The following SLC24A2 variants were observed in gnomAD, a reference collection of about 807,000 sequenced individuals.
SLC24A2 encodes the protein solute carrier family 24 member 2.
In SLC24A2, 36 loss-of-function variants were observed where a neutral mutation model predicts 62.0. That is an observed-to-expected ratio of 0.58 (90% CI 0.44 to 0.77). The LOEUF (loss-of-function observed/expected upper bound fraction) is 0.77, where lower values mean the gene tolerates loss of function less well. Ranked by LOEUF, SLC24A2 falls within the 30% of genes least tolerant of loss-of-function variation. SLC24A2 has a pLI of 0.00. For synonymous variants in SLC24A2, 358 were observed against 294.0 expected (o/e 1.22, Z -2.23); for missense variants, 846 against 817.9 (o/e 1.03, Z -0.42).
the SLC24A2 span, among the ~76,000 whole-genome samples, chr9:20,214,542 G>C: frequency 6.6e-6 from 1 of 151,974 alleles, no homozygotes; most frequent in African/African-American, 2.4e-5. Context: ...GTGGACCCAG[G>C]AGGCACAGCT....
At chr9:20,279,793 C>T in the SLC24A2 span, among the ~76,000 whole-genome samples, 3 of 152,162 alleles carry the variant, frequency 2.0e-5, no homozygotes, top group Non-Finnish European at 4.4e-5. Flanking sequence ...TTCACCTCCA[C>T]CATTAAAACA....
rs572541090 is a variant in SLC24A2 at position 19,507,921 on chromosome 9, A to G, written c.*8232T>C. The G allele has an allele frequency of 6.6e-6, 1 of 152,378 alleles. No homozygotes were observed. The highest frequency in any genetic ancestry group is 1.9e-4 in the East Asian group (1 of 5,188). 9.4% of individuals were successfully genotyped at this position (152,378 alleles called of 1,614,324 possible). ...AAAATGGCATTCTGATATTTTTAAC[A>G]TAACCTGTCTAAAAGACAGTTTATA... On this transcript the variant is annotated 3_prime_UTR_variant, in exon 11 of 11. Coordinates refer to ENST00000341998, the MANE Select transcript of SLC24A2 (RefSeq NM_020344.4).
chr9:19,943,009 G>A, the SLC24A2 span, among the ~76,000 whole-genome samples: 1 of 152,144 alleles, frequency 6.6e-6, no homozygotes, highest in African/African-American at 2.4e-5. Flanking sequence ...GATCCTTTCA[G>A]AAGCTGAAGA....
chr9:19,783,614 G>C (rs920314802), intron 2 of SLC24A2, among the ~76,000 whole-genome samples: 2 of 151,998 alleles, frequency 1.3e-5, no homozygotes, highest in African/African-American at 4.8e-5. Context: ...TTCAGTGCCT[G>C]GGGGGGAAAA....
the SLC24A2 span, among the ~76,000 whole-genome samples, chr9:19,806,420 G>C: frequency 1.3e-5 from 2 of 152,164 alleles, no homozygotes; most frequent in African/African-American, 4.8e-5. Flanking sequence ...AAATATAAAG[G>C]TTTGGGGTCA....
At chr9:19,960,226 A>C in the SLC24A2 span, among the ~76,000 whole-genome samples, 2 of 152,144 alleles carry the variant, frequency 1.3e-5, no homozygotes, top group Non-Finnish European at 2.9e-5. Context: ...ACGTATGTAC[A>C]TAACTGAAAT....
At chr9:19,773,784 G>A (rs1015698001) in intron 2 of SLC24A2, among the ~76,000 whole-genome samples, 1 of 152,204 alleles carries the variant, frequency 6.6e-6, no homozygotes, top group Non-Finnish European at 1.5e-5. Flanking sequence ...CTAGATAGGT[G>A]CATGAATAGC....
At chr9:19,907,907 G>A in the SLC24A2 span, among the ~76,000 whole-genome samples, 1 of 152,026 alleles carries the variant, frequency 6.6e-6, no homozygotes, top group Admixed American at 6.5e-5. Flanking sequence ...TGGCCATACT[G>A]CCCAAGGTAA....
chr9:19,843,352 A>C, the SLC24A2 span, among the ~76,000 whole-genome samples: 2 of 152,114 alleles, frequency 1.3e-5, no homozygotes, highest in East Asian at 3.8e-4. Flanking sequence ...AAATACATAC[A>C]CGCACACAAA....
the SLC24A2 span, among the ~76,000 whole-genome samples, chr9:20,106,364 G>C: frequency 4.5e-4 from 68 of 152,128 alleles, no homozygotes; most frequent in African/African-American, 9.6e-4. Flanking sequence ...CAGCATCATC[G>C]TGATACCAAA....
chr9:19,728,111 C>A (rs1041406177), intron 2 of SLC24A2, among the ~76,000 whole-genome samples: 1 of 152,082 alleles, frequency 6.6e-6, no homozygotes, highest in Non-Finnish European at 1.5e-5. Context: ...CTTTCTGATC[C>A]GTAGTCAGAC....
At chr9:19,519,531 CA>C in intron 10 of SLC24A2, among the ~76,000 whole-genome samples, 1 of 152,316 alleles carries the variant, frequency 6.6e-6, no homozygotes, top group East Asian at 1.9e-4. Flanking sequence ...ACAGTAGGTA[CA>C]ACTTCCTTTA....
At chr9:19,722,779 C>T (rs945848323) in intron 2 of SLC24A2, among the ~76,000 whole-genome samples, 1 of 151,982 alleles carries the variant, frequency 6.6e-6, no homozygotes, top group Non-Finnish European at 1.5e-5. Context: ...GAAGATGACC[C>T]CCAAACAATC....
At chr9:20,034,279 G>C in the SLC24A2 span, among the ~76,000 whole-genome samples, 1 of 151,988 alleles carries the variant, frequency 6.6e-6, no homozygotes, top group Non-Finnish European at 1.5e-5. Context: ...AAAAGCATAA[G>C]ATTTGCTCTA....
chr9:19,704,921 A>G (rs1820466379), intron 2 of SLC24A2, among the ~76,000 whole-genome samples: 2 of 151,572 alleles, frequency 1.3e-5, no homozygotes, highest in Admixed American at 1.3e-4. Flanking sequence ...AAGTATTTCT[A>G]GTGGTATTAC....
the SLC24A2 span, among the ~76,000 whole-genome samples, chr9:19,802,134 A>T: frequency 6.6e-6 from 1 of 152,242 alleles, no homozygotes; most frequent in Non-Finnish European, 1.5e-5. Flanking sequence ...ACAACCCCTG[A>T]TATATGGGCC....
chr9:19,753,547 T>A (rs1822046992), intron 2 of SLC24A2, among the ~76,000 whole-genome samples: 1 of 152,238 alleles, frequency 6.6e-6, no homozygotes, highest in Non-Finnish European at 1.5e-5. Context: ...AGTGTTGCAT[T>A]CATTTCTATT....
At position 19,531,262 on chromosome 9, in the gene SLC24A2, T is replaced by G. The variant is rs528623529; in HGVS notation, c.1480-3124A>C. On this transcript the variant is annotated intron_variant, in intron 8 of 10. Coordinates refer to ENST00000341998, the MANE Select transcript of SLC24A2 (RefSeq NM_020344.4). Reference sequence around the variant, plus strand: ...TTCATTTTTCTTGGACCATTCCCCTTACTTGGACAGCATGGTCTCATTCCA... The same window carrying G: ...TTCATTTTTCTTGGACCATTCCCCTGACTTGGACAGCATGGTCTCATTCCA... Among the ~76,000 whole-genome samples, 11 of 152,294 alleles carry G rather than the reference T, an allele frequency of 7.2e-5. 1 individual carries two copies. In the South Asian group the frequency reaches 2.1e-3, roughly 29 times the overall value.
intron 2 of SLC24A2, among the ~76,000 whole-genome samples, chr9:19,783,626 C>A (rs1823078872): frequency 6.6e-6 from 1 of 152,056 alleles, no homozygotes; most frequent in Admixed American, 6.6e-5. Flanking sequence ...GGGGGAAAAC[C>A]TCCCTAAGTT....
Sources: allele counts gnomAD v4.1 joint callset (sites outside exome capture counted in the v4.1 genomes callset), GRCh38; gene constraint gnomAD v4.1.1; transcripts MANE v1.5; gene names NCBI Gene and HGNC (gene_info 2026-07-23, HGNC 2026-07-21).